Variants in VPS8 observed in about 807,000 individuals in gnomAD.
VPS8 encodes VPS8 subunit of CORVET complex, also known as vacuolar protein sorting-associated protein 8 homolog.
A neutral mutation model predicts 216.4 loss-of-function variants in VPS8; 129 were observed. The ratio of observed to expected loss-of-function variants is 0.60; its 90% confidence interval spans 0.52 to 0.69. The LOEUF (loss-of-function observed/expected upper bound fraction) is 0.69, where lower values mean the gene tolerates loss of function less well. Ranked by LOEUF, VPS8 falls within the 30% of genes least tolerant of loss-of-function variation. The pLI is 0.00. For missense variants in VPS8, 1,531 were observed against 1,683.5 expected (o/e 0.91, Z 1.59); for synonymous variants, 571 against 565.4 (o/e 1.01, Z -0.14).
chr3:184,832,923 G>A (rs1448510757), intron 4 of VPS8, 104 bp downstream of exon 4: 1 of 1,363,846 alleles, frequency 7.3e-7, no homozygotes, highest in Non-Finnish European at 9.9e-7. Flanking sequence ...TTGAAGCCTT[G>A]CATGGGAAGT....
intron 46 of VPS8, among the ~76,000 whole-genome samples, chr3:185,033,372 C>T (rs934853153): frequency 2.0e-5 from 3 of 152,186 alleles, no homozygotes; most frequent in Non-Finnish European, 4.4e-5. Flanking sequence ...GGCATGTAAT[C>T]GCATAGTATA....
chr3:185,040,190 T>G (rs982779813), intron 46 of VPS8, among the ~76,000 whole-genome samples: 5 of 151,958 alleles, frequency 3.3e-5, no homozygotes, highest in African/African-American at 1.2e-4. Context: ...ACATTGGAGC[T>G]CCAATCTCAA....
chr3:184,851,465 A>ATGTATGTG (rs1724242763), intron 10 of VPS8, among the ~76,000 whole-genome samples: 1 of 150,934 alleles, frequency 6.6e-6, no homozygotes, highest in Non-Finnish European at 1.5e-5. Flanking sequence ...ATGGATATTT[A>ATGTATGTG]TGTGTGTGTG....
chr3:184,929,804 A>C (rs897666890), intron 33 of VPS8, 140 bp downstream of exon 33: 1 of 542,966 alleles, frequency 1.8e-6, no homozygotes, highest in Non-Finnish European at 3.1e-6. Flanking sequence ...CAGTTCTTGC[A>C]GTTTTGGAAT....
chr3:185,043,093 T>C (rs753425357), intron 46 of VPS8, among the ~76,000 whole-genome samples: 7 of 152,130 alleles, frequency 4.6e-5, no homozygotes, highest in Non-Finnish European at 8.8e-5. Flanking sequence ...CATCAGCCCC[T>C]ACAGACACAG....
At chr3:185,002,327 A>T (rs573625237) in intron 45 of VPS8, among the ~76,000 whole-genome samples, 1 of 152,312 alleles carries the variant, frequency 6.6e-6, no homozygotes, top group Non-Finnish European at 1.5e-5. Flanking sequence ...TTTACACTAC[A>T]TTGGTTGCCC....
intron 42 of VPS8, among the ~76,000 whole-genome samples, chr3:184,992,818 T>A (rs148921468): frequency 6.6e-6 from 1 of 152,278 alleles, no homozygotes; most frequent in Admixed American, 6.5e-5. Flanking sequence ...CACATACATA[T>A]GCTGATGGGG....
At chr3:185,039,308 G>A (rs939911491) in intron 46 of VPS8, among the ~76,000 whole-genome samples, 5 of 151,882 alleles carry the variant, frequency 3.3e-5, no homozygotes, top group African/African-American at 4.8e-5. Flanking sequence ...GAATACCCAC[G>A]GCTGGGTAAT....
rs143850383 is a variant in VPS8 at position 184,978,140 on chromosome 3, A to G, written c.3421-4426A>G. ...GTTATATTGATCTGTTCAGGGTTTC[A>G]GTTTCTTTCTGGTTCCATCTTGGAA... On this transcript the variant is annotated intron_variant, in intron 40 of 47. Transcript: ENST00000625842. 4.8e-4 allele frequency among the ~76,000 whole-genome samples: 72 copies of G among 151,548 alleles called. No homozygotes were observed. In the East Asian group the frequency reaches 0.011, roughly 23 times the overall value.
At position 184,824,642 on chromosome 3, in the gene VPS8, G is replaced by A; in HGVS notation, c.10G>A (p.Glu4Lys). 6.2e-7 allele frequency: 1 copy of A among 1,613,698 alleles called. No homozygotes were observed. Among genetic ancestry groups the A allele is most frequent in the Non-Finnish European group, 8.5e-7 (1 of 1,179,790 alleles). The change falls in exon 2 of 48, where the codon GAA becomes AAA. Residue 4 changes from glutamate to lysine, a missense_variant. Around this residue, in one of 3 missense-constraint regions of VPS8, gnomAD observed 199 missense variants for 182.2 expected, o/e 1.09. Transcript: ENST00000625842. MEN[E>K]PDHENVEQSL... ...GTTATTAGAAGTAAATATGGAAAAT[G>A]AACCAGACCATGAAAATGTGGAACA...
At chr3:185,036,551 A>G (rs533065028) in intron 46 of VPS8, among the ~76,000 whole-genome samples, 13 of 152,152 alleles carry the variant, frequency 8.5e-5, no homozygotes, top group African/African-American at 3.1e-4. Flanking sequence ...TATCTTTTTG[A>G]TGAAGTCTTT....
chr3:185,035,093 A>G (rs1434456749), intron 46 of VPS8, among the ~76,000 whole-genome samples: 1 of 152,118 alleles, frequency 6.6e-6, no homozygotes, highest in Non-Finnish European at 1.5e-5. Flanking sequence ...CTCTAAAATG[A>G]ATCAGTAATA....
intron 14 of VPS8, among the ~76,000 whole-genome samples, chr3:184,856,771 A>G (rs1336072433): frequency 6.6e-6 from 1 of 152,162 alleles, no homozygotes; most frequent in Non-Finnish European, 1.5e-5. Context: ...TGCCTCTGCC[A>G]GGAAAGTTCT....
At chr3:185,013,363 C>G (rs1384813946) in intron 45 of VPS8, among the ~76,000 whole-genome samples, 6 of 152,218 alleles carry the variant, frequency 3.9e-5, no homozygotes. Flanking sequence ...TCTTAAGAGT[C>G]AGGATCCACA....
At chr3:185,021,499 A>G (rs1756655826) in intron 45 of VPS8, among the ~76,000 whole-genome samples, 1 of 152,224 alleles carries the variant, frequency 6.6e-6, no homozygotes, top group South Asian at 2.1e-4. Flanking sequence ...TTAAATATCT[A>G]CTTTGCTTTG....
At chr3:184,991,636 A>T (rs1751910862) in intron 42 of VPS8, among the ~76,000 whole-genome samples, 2 of 152,194 alleles carry the variant, frequency 1.3e-5, no homozygotes, top group Non-Finnish European at 2.9e-5. Context: ...TCCACATATT[A>T]TAGTAAATAT....
At chr3:184,831,762 A>G (rs544763367) in intron 3 of VPS8, among the ~76,000 whole-genome samples, 4 of 152,180 alleles carry the variant, frequency 2.6e-5, no homozygotes, top group Non-Finnish European at 4.4e-5. Context: ...TAATGTGTTC[A>G]TCATTCCCTC....
chr3:185,044,178 G>A (rs751538720), intron 46 of VPS8, among the ~76,000 whole-genome samples: 13 of 152,242 alleles, frequency 8.5e-5, no homozygotes, highest in Non-Finnish European at 1.9e-4. Flanking sequence ...CAACAAGAGT[G>A]AAACTCCGTC....
chr3:185,042,317 G>A (rs1425895877), intron 46 of VPS8, among the ~76,000 whole-genome samples: 1 of 152,192 alleles, frequency 6.6e-6, no homozygotes, highest in Non-Finnish European at 1.5e-5. Flanking sequence ...AGTTCTGCTA[G>A]GGCAGATCCC....
Sources: allele counts gnomAD v4.1 joint callset (sites outside exome capture counted in the v4.1 genomes callset), GRCh38; gene constraint gnomAD v4.1.1; regional missense constraint gnomAD v4.1.1; transcripts MANE v1.5; gene names NCBI Gene and HGNC (gene_info 2026-07-23, HGNC 2026-07-21).